Variants in C1orf87 observed in about 807,000 individuals in gnomAD.
C1orf87 encodes chromosome 1 open reading frame 87.
In C1orf87, 58 loss-of-function variants were observed where a neutral mutation model predicts 60.5. That is an observed-to-expected ratio of 0.96 (90% CI 0.78 to 1.19). The LOEUF is 1.19. Among genes scored for constraint, C1orf87 ranks in the 50% most tolerant of loss-of-function variants. The pLI is 0.00. For missense variants in C1orf87, 673 were observed against 638.6 expected (o/e 1.05, Z -0.58); for synonymous variants, 236 against 227.4 (o/e 1.04, Z -0.34).
rs183492961 is a variant in C1orf87, at chr1:60,034,802, C to G, written c.864-1161G>C. Among the ~76,000 whole-genome samples the G allele has an allele frequency of 1.0e-3, 157 of 152,280 alleles. No individual in the cohort carries two copies. In the Middle Eastern group the frequency reaches 0.017, roughly 16 times the overall value. Reference sequence around the variant, plus strand: ...TATTTTTTCAAGTCTGACTTCCTCCCTGGTAGTCTGCTCTAAGAGGTCAAG... The same window carrying G: ...TATTTTTTCAAGTCTGACTTCCTCCGTGGTAGTCTGCTCTAAGAGGTCAAG... On this transcript the variant is annotated intron_variant, in intron 6 of 11. Coordinates refer to ENST00000371201, the MANE Select transcript of C1orf87 (RefSeq NM_152377.3).
intron 2 of C1orf87, among the ~76,000 whole-genome samples, chr1:60,058,047 G>C (rs1216255458): frequency 3.3e-5 from 5 of 151,714 alleles, no homozygotes; most frequent in African/African-American, 2.4e-5. Flanking sequence ...GAGAAGGAGA[G>C]TGTATATTTG....
intron 2 of C1orf87, among the ~76,000 whole-genome samples, chr1:60,062,564 A>C (rs1183612623): frequency 2.6e-5 from 4 of 152,110 alleles, no homozygotes; most frequent in Admixed American, 2.6e-4. Context: ...TACTGTTTAC[A>C]TTTCTTTTAT....
Position 59,997,743 on chromosome 1 carries a change from G to A in C1orf87, c.1346C>T (p.Pro449Leu), listed in dbSNP as rs981140790. The change falls in exon 11 of 12, where the codon CCT becomes CTT. Residue 449 changes from proline to leucine, a missense_variant. By Grantham distance (98) the Pro-to-Leu change is moderately conservative (BLOSUM62 -3). Coordinates refer to ENST00000371201, the MANE Select transcript of C1orf87 (RefSeq NM_152377.3). The part of the protein sequence containing the change: ...ETSACKDPLK[P>L]LKIRPVSQPF... ...CTGGGAGACTGGCCTGATCTTTAAA[G>A]GTTTCAGAGGATCTTTGCAGGCTGA... is the stretch of plus-strand genomic sequence containing the variant. The A allele has an allele frequency of 1.2e-6, 2 of 1,613,934 alleles. No homozygotes were observed. The highest frequency in any genetic ancestry group is 1.7e-6 in the Non-Finnish European group (2 of 1,179,884).
chr1:60,049,356 A>T (rs1172358668), intron 3 of C1orf87, among the ~76,000 whole-genome samples: 1 of 152,118 alleles, frequency 6.6e-6, no homozygotes, highest in East Asian at 1.9e-4. Context: ...TATTAAAAGC[A>T]AGTCCACATC....
Position 60,059,195 on chromosome 1 carries a change from T to C in C1orf87, c.108-3757A>G, listed in dbSNP as rs115261211. On this transcript the variant is annotated intron_variant, in intron 2 of 11. Transcript: ENST00000371201. ...ATTTGTCAACACGCATTGGTTGTTA[T>C]GTTGTTCACAAACTCACAGTTCTTC... 8.6e-3 allele frequency among the ~76,000 whole-genome samples: 1,304 copies of C among 152,356 alleles called. 7 individuals carry two copies. Among genetic ancestry groups the C allele is most frequent in the Non-Finnish European group, 0.014 (966 of 68,040 alleles).
At chr1:60,034,846 G>A (rs1429849482) in intron 6 of C1orf87, among the ~76,000 whole-genome samples, 2 of 151,374 alleles carry the variant, frequency 1.3e-5, no homozygotes, top group African/African-American at 4.9e-5. Context: ...GTTCCTTACT[G>A]TTTCCCAGGG....
Position 60,033,506 on chromosome 1 carries a change from G to C in C1orf87, c.999C>G (p.Arg333=). The change falls in exon 7 of 12, where the codon CGC becomes CGG. Residue 333 remains arginine, a synonymous_variant. Coordinates refer to ENST00000371201, the MANE Select transcript of C1orf87 (RefSeq NM_152377.3). ...NLNLSFRKED[R]SFSGCLPLPK... is the part of the protein sequence containing the mutation. ...GTAGAGGGAGGCAGCCAGAGAACGA[G>C]CGATCTTCTTTTCGAAAACTCAGAT... is the stretch of plus-strand genomic sequence containing the variant. The C allele has an allele frequency of 6.2e-7, 1 of 1,613,902 alleles. No individual in the cohort carries two copies. Among genetic ancestry groups the C allele is most frequent in the Non-Finnish European group, 8.5e-7 (1 of 1,179,894 alleles).
At chr1:60,063,506 G>A (rs984785575) in intron 2 of C1orf87, among the ~76,000 whole-genome samples, 2 of 152,012 alleles carry the variant, frequency 1.3e-5, no homozygotes, top group African/African-American at 4.8e-5. Flanking sequence ...ATTCTACATG[G>A]AACAAAATCC....
chr1:60,058,926 A>G (rs1039694753), intron 2 of C1orf87, among the ~76,000 whole-genome samples: 19 of 152,216 alleles, frequency 1.2e-4, no homozygotes, highest in African/African-American at 4.6e-4. Flanking sequence ...ACAATGGATT[A>G]TCTTTGCTTT....
intron 3 of C1orf87, among the ~76,000 whole-genome samples, chr1:60,047,839 T>TA (rs1176203685): frequency 6.6e-6 from 1 of 152,164 alleles, no homozygotes; most frequent in Non-Finnish European, 1.5e-5. Context: ...TAAAAACATT[T>TA]AAATATTTTT....
chr1:59,997,388 G>T lies in C1orf87; in HGVS notation c.1480+221C>A, dbSNP rs377315907. On this transcript the variant is annotated intron_variant, in intron 11 of 11. Coordinates refer to ENST00000371201, the MANE Select transcript of C1orf87 (RefSeq NM_152377.3). ...TGTGGGTTTACTTTTTGGCAGTAGG[G>T]TGCAGGAAGTATTGGGAATACAGAG... Among the ~76,000 whole-genome samples the T allele has an allele frequency of 2.8e-4, 43 of 152,220 alleles. No homozygotes were observed. In the South Asian group the frequency reaches 8.1e-3, roughly 29 times the overall value.
At position 59,990,606 on chromosome 1, in the gene C1orf87, G is replaced by T. The variant is rs1644913927; in HGVS notation, c.*67C>A. 6.4e-7 allele frequency: 1 copy of T among 1,566,844 alleles called. No individual in the cohort carries two copies. Among genetic ancestry groups the T allele is most frequent in the Non-Finnish European group, 8.7e-7 (1 of 1,147,046 alleles). On this transcript the variant is annotated 3_prime_UTR_variant, in exon 12 of 12. Coordinates refer to ENST00000371201, the MANE Select transcript of C1orf87 (RefSeq NM_152377.3). ...CCTCCGCCACTACACTTAGGCTGGG[G>T]AGAAACATGTGTCTGGGTAAAAAGG...
intron 7 of C1orf87, among the ~76,000 whole-genome samples, chr1:60,030,254 G>A (rs1645228494): frequency 3.3e-5 from 5 of 152,172 alleles, no homozygotes. Flanking sequence ...TGATCAGAAA[G>A]GTGGCTGTTG....
intron 10 of C1orf87, among the ~76,000 whole-genome samples, chr1:60,000,201 C>G (rs2100240487): frequency 6.6e-6 from 1 of 152,252 alleles, no homozygotes; most frequent in Non-Finnish European, 1.5e-5. Flanking sequence ...TTACCAGACC[C>G]CTGCTTCAAT....
intron 2 of C1orf87, among the ~76,000 whole-genome samples, chr1:60,055,982 A>C (rs1645452669): frequency 6.6e-6 from 1 of 152,166 alleles, no homozygotes; most frequent in Non-Finnish European, 1.5e-5. Context: ...AAAAGTCCTC[A>C]CACCTGTAAT....
intron 9 of C1orf87, among the ~76,000 whole-genome samples, chr1:60,008,272 T>A (rs1645059785): frequency 6.6e-6 from 1 of 152,072 alleles, no homozygotes; most frequent in African/African-American, 2.4e-5. Context: ...GCATTTTTCT[T>A]TTATATTTTG....
intron 2 of C1orf87, among the ~76,000 whole-genome samples, chr1:60,065,102 C>G (rs1046456174): frequency 1.3e-4 from 10 of 74,478 alleles, no homozygotes; most frequent in Admixed American, 2.8e-4. Flanking sequence ...CCTAGAGAAC[C>G]CTGACTAATA....
intron 4 of C1orf87, 149 bp from the exon 5 acceptor site, chr1:60,040,329 G>T: frequency 1.0e-6 from 1 of 961,532 alleles, no homozygotes; most frequent in Non-Finnish European, 1.5e-6. Context: ...CACTGAAGGT[G>T]AGCATTCAAT....
chr1:60,029,944 G>C (rs1386485380), intron 7 of C1orf87, among the ~76,000 whole-genome samples: 1 of 151,984 alleles, frequency 6.6e-6, no homozygotes, highest in Non-Finnish European at 1.5e-5. Flanking sequence ...CGGTCCCCCT[G>C]TCCCCGCATT....
Sources: allele counts gnomAD v4.1 joint callset (sites outside exome capture counted in the v4.1 genomes callset), GRCh38; gene constraint gnomAD v4.1.1; transcripts MANE v1.5; gene names NCBI Gene and HGNC (gene_info 2026-07-23, HGNC 2026-07-21).